The following EFNA5 variants were observed in gnomAD, a reference collection of about 807,000 sequenced individuals.
The protein encoded by EFNA5 is ephrin A5, also known as ephrin-A5.
EFNA5 carries 5 observed loss-of-function variants against 22.9 expected under a neutral mutation model. That is an observed-to-expected ratio of 0.22 (90% confidence interval 0.11 to 0.46). The LOEUF is 0.46. Among genes scored for constraint, EFNA5 ranks in the 20% least tolerant of loss-of-function variants. EFNA5 has a pLI of 0.99. For synonymous variants in EFNA5, 113 were observed against 112.2 expected, an observed-to-expected ratio of 1.01 and a Z score of -0.04; for missense variants, 237 against 293.3, an observed-to-expected ratio of 0.81 and a Z score of 1.40.
At chr5:107,466,871 T>C (rs549797607) in intron 1 of EFNA5, among the ~76,000 whole-genome samples, 1 of 152,292 alleles carries the variant, frequency 6.6e-6, no homozygotes, top group African/African-American at 2.4e-5. Flanking sequence ...TGGAAGGCGC[T>C]ATACTAGGCT....
chr5:107,564,583 G>A (rs1748621255), intron 1 of EFNA5, among the ~76,000 whole-genome samples: 1 of 151,742 alleles, frequency 6.6e-6, no homozygotes, highest in Non-Finnish European at 1.5e-5. Context: ...AGAAGAAATG[G>A]CTGAAACCAC....
chr5:107,380,882 C>A lies in EFNA5; in HGVS notation c.*373G>T. On this transcript the variant is annotated 3_prime_UTR_variant, in exon 5 of 5. Transcript: ENST00000333274. The stretch of plus-strand genomic sequence containing the variant: ...CTGGCTGCATCTGCCACTATTCTTC[C>A]TTGTCCATAGCCCGCTGACACAGTG... 1 of 412,200 alleles carries A rather than the reference C, an allele frequency of 2.4e-6. No individual in the cohort carries two copies. The highest frequency in any genetic ancestry group is 1.1e-4 in the South Asian group (1 of 9,052). The allele number at this position is 412,200 out of a possible 1,614,324, so 25.5% of individuals were successfully genotyped here.
intron 1 of EFNA5, among the ~76,000 whole-genome samples, chr5:107,544,203 C>T (rs1748103898): frequency 6.6e-6 from 1 of 152,144 alleles, no homozygotes; most frequent in South Asian, 2.1e-4. Flanking sequence ...ATAAGGATCT[C>T]CCTCCTAGAG....
intron 1 of EFNA5, among the ~76,000 whole-genome samples, chr5:107,489,169 C>T (rs1323383513): frequency 5.3e-5 from 8 of 151,894 alleles, no homozygotes; most frequent in Admixed American, 5.2e-4. Flanking sequence ...TGTATTGGAC[C>T]AGACAAAATT....
At chr5:107,517,909 G>A (rs1747517436) in intron 1 of EFNA5, among the ~76,000 whole-genome samples, 1 of 152,086 alleles carries the variant, frequency 6.6e-6, no homozygotes, top group African/African-American at 2.4e-5. Context: ...GAATTGGGTT[G>A]GGTTGATTGG....
chr5:107,476,061 T>A (rs1750297648), intron 1 of EFNA5, among the ~76,000 whole-genome samples: 7 of 120,818 alleles, frequency 5.8e-5, no homozygotes, highest in African/African-American at 1.0e-4. Flanking sequence ...TATATATTTT[T>A]TTTTTTTGAG....
intron 1 of EFNA5, among the ~76,000 whole-genome samples, chr5:107,432,028 G>A (rs1748976778): frequency 2.0e-5 from 3 of 152,108 alleles, no homozygotes; most frequent in South Asian, 2.1e-4. Flanking sequence ...CTGTAGTAAC[G>A]ACCCTCTTAA....
At chr5:107,670,385 G>A in intron 1 of EFNA5, 104 bp downstream of exon 1, 2 of 1,382,814 alleles carry the variant, frequency 1.4e-6, no homozygotes, top group Non-Finnish European at 1.9e-6. Context: ...AGGCTCCGAG[G>A]GTGCGCGCCG....
chr5:107,468,691 G>C (rs1580472137), intron 1 of EFNA5, among the ~76,000 whole-genome samples: 1 of 152,182 alleles, frequency 6.6e-6, no homozygotes, highest in East Asian at 1.9e-4. Flanking sequence ...TTGGTTGAAA[G>C]CTTACATTAA....
At chr5:107,434,915 C>T (rs993321973) in intron 1 of EFNA5, among the ~76,000 whole-genome samples, 1 of 152,092 alleles carries the variant, frequency 6.6e-6, no homozygotes, top group Non-Finnish European at 1.5e-5. Context: ...TACAAGGCAA[C>T]CTAATGTATT....
In EFNA5 at chr5:107,482,816, CTCTCTCTCTGTCTCTG is replaced by C. The variant is rs765802177; in HGVS notation, c.126-55323_126-55308del. Among the ~76,000 whole-genome samples, 171 of 135,848 alleles carry C rather than the reference CTCTCTCTCTGTCTCTG, an allele frequency of 1.3e-3. 1 individual carries two copies. The highest frequency in any genetic ancestry group is 6.0e-3 in the East Asian group (27 of 4,536). The allele number at this position is 135,848 out of a possible 152,430, so 89.1% of individuals were successfully genotyped here. A position where few individuals can be genotyped will look rare whatever the true frequency, so the allele number is the denominator to read the frequency against. ...GGCTGCTCTCTCTCTCTCTCTCTGT[CTCTCTCTCTGTCTCTG>C]TCTCTCTCTCTCTCTCTCTCTCTCT... On this transcript the variant is annotated intron_variant, in intron 1 of 4. Transcript: ENST00000333274.
chr5:107,495,172 A>G (rs1746941573), intron 1 of EFNA5, among the ~76,000 whole-genome samples: 2 of 152,160 alleles, frequency 1.3e-5, no homozygotes, highest in South Asian at 2.1e-4. Context: ...AAATCTTGCT[A>G]TTGCTCACTC....
rs1358984276 is a variant in EFNA5, at chr5:107,632,409, C to T, written c.125+38080G>A. 3.3e-5 allele frequency among the ~76,000 whole-genome samples: 5 copies of T among 152,260 alleles called. No individual in the cohort carries two copies. In the East Asian group the frequency reaches 9.6e-4, roughly 29 times the overall value. ...ATTCCAACAAGGAATAGTGTGGATA[C>T]ATTAGGTAAGCAAGACTCACAAATA... On this transcript the variant is annotated intron_variant, in intron 1 of 4. Coordinates refer to ENST00000333274, the MANE Select transcript of EFNA5 (RefSeq NM_001962.3).
intron 1 of EFNA5, among the ~76,000 whole-genome samples, chr5:107,511,955 T>C (rs1747379322): frequency 6.6e-6 from 1 of 152,148 alleles, no homozygotes; most frequent in Non-Finnish European, 1.5e-5. Flanking sequence ...TTCACAAAAT[T>C]TTCATCTGAA....
chr5:107,530,912 A>C (rs1373399183), intron 1 of EFNA5, among the ~76,000 whole-genome samples: 1 of 152,186 alleles, frequency 6.6e-6, no homozygotes, highest in Non-Finnish European at 1.5e-5. Flanking sequence ...CTCTCCTGTA[A>C]AGAAGTATCC....
intron 1 of EFNA5, among the ~76,000 whole-genome samples, chr5:107,446,342 G>T (rs972916013): frequency 6.6e-6 from 1 of 152,144 alleles, no homozygotes; most frequent in Non-Finnish European, 1.5e-5. Flanking sequence ...TATTTGAAAA[G>T]CATCCTGAGA....
chr5:107,427,164 T>C (rs1403121333), intron 2 of EFNA5, 53 bp downstream of exon 2: 1 of 1,599,646 alleles, frequency 6.3e-7, no homozygotes, highest in Non-Finnish European at 8.6e-7. Context: ...GGTAAAAAAT[T>C]AGTCTGGGTT....
At chr5:107,569,826 T>C (rs1286907227) in intron 1 of EFNA5, among the ~76,000 whole-genome samples, 2 of 119,668 alleles carry the variant, frequency 1.7e-5, no homozygotes, top group Non-Finnish European at 3.3e-5. Context: ...CACTCCAGCC[T>C]GGGAGACCAA....
intron 1 of EFNA5, among the ~76,000 whole-genome samples, chr5:107,634,893 G>A (rs1750339323): frequency 1.3e-5 from 2 of 152,214 alleles, no homozygotes; most frequent in African/African-American, 4.8e-5. Context: ...TACCAGTAAG[G>A]ATGTTGACAA....
Sources: gnomAD v4.1 joint callset for allele counts (sites outside exome capture counted in the v4.1 genomes callset) on GRCh38, gnomAD v4.1.1 for gene constraint, MANE v1.5 for transcripts, NCBI Gene and HGNC (gene_info 2026-07-23, HGNC 2026-07-21) for gene names.